ESR2: variants seen among roughly 807,000 people sequenced by gnomAD.
ESR2 encodes estrogen receptor beta.
ESR2 carries 36 observed loss-of-function variants against 49.6 expected under a neutral mutation model. The ratio of observed to expected loss-of-function variants is 0.73; its 90% CI spans 0.56 to 0.96. ESR2 has a LOEUF of 0.96. ESR2 is among the 40% of genes least tolerant of loss of function. ESR2 has a pLI of 0.00. For missense variants in ESR2, 714 were observed against 693.0 expected, an observed-to-expected ratio of 1.03 and a Z score of -0.34; for synonymous variants, 320 against 266.1, an observed-to-expected ratio of 1.20 and a Z score of -1.97.
chr14:64,305,497 C>T (rs1000029350), intron 1 of ESR2, among the ~76,000 whole-genome samples: 5 of 151,406 alleles, frequency 3.3e-5, no homozygotes, highest in African/African-American at 9.7e-5. Context: ...AGTGAAACCC[C>T]ATCTCTACTA....
At chr14:64,323,751 G>A (rs2077354205) in intron 1 of ESR2, among the ~76,000 whole-genome samples, 1 of 152,134 alleles carries the variant, frequency 6.6e-6, no homozygotes, top group Admixed American at 6.5e-5. Flanking sequence ...GAGTGCAGTG[G>A]CACGATCTCA....
intron 6 of ESR2, among the ~76,000 whole-genome samples, chr14:64,250,391 C>T (rs535161585): frequency 4.6e-5 from 7 of 152,272 alleles, no homozygotes; most frequent in African/African-American, 1.7e-4. Flanking sequence ...TTCTTTGGAG[C>T]ACTCCTTGTA....
At chr14:64,310,295 T>TAATAAC (rs1379603554) in intron 1 of ESR2, among the ~76,000 whole-genome samples, 2 of 146,172 alleles carry the variant, frequency 1.4e-5, no homozygotes, top group East Asian at 2.0e-4. Context: ...AAAATAATAA[T>TAATAAC]AATAATAATA....
chr14:64,301,357 G>T (rs927792630), intron 1 of ESR2: 2 of 152,178 alleles, frequency 1.3e-5, no homozygotes, highest in African/African-American at 4.8e-5. Context: ...GTAACTCCCA[G>T]AGCTCCTTAC....
Position 64,293,022 on chromosome 14 carries a change from C to T in ESR2, c.-91+1011G>A, listed in dbSNP as rs538497098. ...AAATTCATCTAAAAAAATGCTTGAA[C>T]GTAAAATGCAATCCTACGGTGTATA... On this transcript the variant is annotated intron_variant, in intron 1 of 8. Coordinates refer to ENST00000341099, the MANE Select transcript of ESR2 (RefSeq NM_001437.3). Among the ~76,000 whole-genome samples, 19 of 152,218 alleles carry T rather than the reference C, an allele frequency of 1.2e-4. No homozygotes were observed. The East Asian group carries it at 3.3e-3, about 26-fold the overall frequency.
intron 7 of ESR2, among the ~76,000 whole-genome samples, chr14:64,249,319 C>T (rs2075938351): frequency 6.6e-6 from 1 of 152,036 alleles, no homozygotes; most frequent in Admixed American, 6.6e-5. Flanking sequence ...GTGGCTTGAG[C>T]TACTTTTAAA....
chr14:64,306,190 G>A (rs1387293703), intron 1 of ESR2, among the ~76,000 whole-genome samples: 1 of 146,266 alleles, frequency 6.8e-6, no homozygotes, highest in African/African-American at 2.5e-5. Flanking sequence ...TGACAAGAGC[G>A]AAACTCCATC....
At chr14:64,257,935 C>A (rs2076136803) in intron 5 of ESR2, among the ~76,000 whole-genome samples, 1 of 152,148 alleles carries the variant, frequency 6.6e-6, no homozygotes, top group Admixed American at 6.5e-5. Flanking sequence ...CTATCCTAAA[C>A]AGCAAATATA....
chr14:64,269,805 G>A (rs1259593196), intron 3 of ESR2, among the ~76,000 whole-genome samples: 1 of 152,140 alleles, frequency 6.6e-6, no homozygotes, highest in Non-Finnish European at 1.5e-5. Context: ...TAAGACAATG[G>A]TACTTTTAAT....
chr14:64,233,466 T>C, intron 8 of ESR2, 143 bp from the exon 9 acceptor site: 1 of 717,790 alleles, frequency 1.4e-6, no homozygotes, highest in Non-Finnish European at 2.3e-6. Flanking sequence ...CCATGGCTCG[T>C]GCATCCAGCT....
chr14:64,238,014 G>A (rs1567730849), intron 7 of ESR2, among the ~76,000 whole-genome samples: 1 of 152,116 alleles, frequency 6.6e-6, no homozygotes, highest in East Asian at 1.9e-4. Context: ...TACTTAATAT[G>A]GATAAATTAT....
At chr14:64,237,196 G>A (rs1462915511) in intron 7 of ESR2, among the ~76,000 whole-genome samples, 2 of 151,990 alleles carry the variant, frequency 1.3e-5, no homozygotes, top group East Asian at 1.9e-4. Context: ...TCCTGACCTC[G>A]CAATCCGCCT....
chr14:64,322,084 G>C (rs1270289157), intron 1 of ESR2, among the ~76,000 whole-genome samples: 1 of 151,960 alleles, frequency 6.6e-6, no homozygotes, highest in East Asian at 1.9e-4. Flanking sequence ...TTGAGACAGA[G>C]TTTTGCTCTT....
chr14:64,261,331 G>A (rs1393060505), intron 4 of ESR2, among the ~76,000 whole-genome samples: 3 of 139,150 alleles, frequency 2.2e-5, no homozygotes, highest in Admixed American at 7.9e-5. Flanking sequence ...TCCGCCTACC[G>A]GGTTCACGCC....
intron 5 of ESR2, 145 bp downstream of exon 5, chr14:64,260,297 ACATATTG>A: frequency 1.2e-6 from 1 of 823,776 alleles, no homozygotes; most frequent in Non-Finnish European, 2.2e-6. Context: ...GAAGGAAGGA[ACATATTG>A]CACTTAAAAG....
rs1486988629 is a variant in ESR2 at position 64,266,630 on chromosome 14, G to A, written c.652+2165C>T. ...TGCAATCTTTTGTCAGAGTGCCAAG[G>A]CTTTCTCTTTAAGCATCTGGGCCAA... On this transcript the variant is annotated intron_variant, in intron 4 of 8. Transcript: ENST00000341099. Among the ~76,000 whole-genome samples, 3 of 152,240 alleles carry A rather than the reference G, an allele frequency of 2.0e-5. No individual in the cohort carries two copies. The East Asian group carries it at 5.8e-4, about 29-fold the overall frequency.
rs2098726095 is a variant in ESR2 at position 64,230,450 on chromosome 14, A to T, written c.*2687T>A. Among the ~76,000 whole-genome samples the T allele has an allele frequency of 6.6e-6, 1 of 152,110 alleles. No individual in the cohort carries two copies. ...GATTTTTCTTCCTTACTGAAATCTA[A>T]GATAGTTGCCCTTCCAGCTGAGTTA... On this transcript the variant is annotated 3_prime_UTR_variant, in exon 9 of 9. Coordinates refer to ENST00000341099, the MANE Select transcript of ESR2 (RefSeq NM_001437.3).
intron 1 of ESR2, among the ~76,000 whole-genome samples, chr14:64,321,469 T>C (rs530714372): frequency 6.6e-6 from 1 of 152,236 alleles, no homozygotes; most frequent in East Asian, 1.9e-4. Flanking sequence ...GATTTTTTAA[T>C]CACATAAACA....
At position 64,305,877 on chromosome 14, in the gene ESR2, G is replaced by A. The variant is rs535416984; in HGVS notation, c.-90-22802C>T. ...TTCTGTGCATAGCAATTGTAGTACC[G>A]TGCTAACTCCTGAATAACTCTGAAG... On this transcript the variant is annotated intron_variant, in intron 1 of 8. Transcript: ENST00000358599. Among the ~76,000 whole-genome samples, 5 of 152,024 alleles carry A rather than the reference G, an allele frequency of 3.3e-5. No homozygotes were observed. In the South Asian group the frequency reaches 6.2e-4, roughly 19 times the overall value.
Sources: gnomAD v4.1 joint callset for allele counts (sites outside exome capture counted in the v4.1 genomes callset) on GRCh38, gnomAD v4.1.1 for gene constraint, MANE v1.5 for transcripts, NCBI Gene and HGNC (gene_info 2026-07-23, HGNC 2026-07-21) for gene names.